Variants in KATNBL1 observed in about 807,000 individuals in gnomAD.
KATNBL1 encodes the protein KATNB1-like protein 1.
Under a neutral mutation model 44.7 loss-of-function variants are expected in KATNBL1, and 28 were observed. The observed-to-expected ratio is 0.63, with a 90% CI of 0.46 to 0.86. KATNBL1 has a LOEUF of 0.86. KATNBL1 is among the 40% of genes least tolerant of loss of function. KATNBL1 has a pLI of 0.00. For missense variants in KATNBL1, 272 were observed against 350.7 expected (o/e 0.78, Z 1.79); for synonymous variants, 78 against 114.9 (o/e 0.68, Z 2.06).
intron 1 of KATNBL1, among the ~76,000 whole-genome samples, chr15:34,172,219 A>G (rs1889182773): frequency 6.6e-6 from 1 of 150,904 alleles, no homozygotes; most frequent in Non-Finnish European, 1.5e-5. Context: ...TTTATTCTCT[A>G]GAAAACGTAA....
chr15:34,148,526 T>G (rs1419555487), intron 5 of KATNBL1, 106 bp downstream of exon 5: 4 of 648,476 alleles, frequency 6.2e-6, no homozygotes, highest in Admixed American at 2.3e-5. Flanking sequence ...AGGTTGAGGC[T>G]GCAGTGAGCC....
chr15:34,159,644 T>C (rs977122707), intron 2 of KATNBL1, among the ~76,000 whole-genome samples: 4 of 152,240 alleles, frequency 2.6e-5, no homozygotes, highest in African/African-American at 9.6e-5. Flanking sequence ...CTTCCTTGAT[T>C]CCCATCTTTT....
At chr15:34,182,592 C>A (rs186037981) in intron 1 of KATNBL1, among the ~76,000 whole-genome samples, 2 of 152,054 alleles carry the variant, frequency 1.3e-5, no homozygotes. Flanking sequence ...ATATGTTCAC[C>A]CCACCTGAGG....
chr15:34,202,122 C>A (rs1178735407), intron 1 of KATNBL1, among the ~76,000 whole-genome samples: 1 of 152,166 alleles, frequency 6.6e-6, no homozygotes, highest in Non-Finnish European at 1.5e-5. Flanking sequence ...ATACATAAAA[C>A]ATTGTCACTT....
rs117017516 is a variant in KATNBL1 at position 34,181,580 on chromosome 15, A to G, written c.-14-17890T>C. Among the ~76,000 whole-genome samples the G allele has an allele frequency of 7.6e-3, 862 of 113,040 alleles. 20 individuals carry two copies. Among genetic ancestry groups the G allele is most frequent in the South Asian group, 0.012 (44 of 3,548 alleles). 74.2% of individuals were successfully genotyped at this position (113,040 alleles called of 152,430 possible). ...TATGTCCATATATATATCCATATAT[A>G]TACATATATATACACATATATATGT... On this transcript the variant is annotated intron_variant, in intron 1 of 9. Coordinates refer to ENST00000256544, the MANE Select transcript of KATNBL1 (RefSeq NM_024713.3).
At chr15:34,164,785 G>A (rs1888915613) in intron 1 of KATNBL1, among the ~76,000 whole-genome samples, 1 of 152,210 alleles carries the variant, frequency 6.6e-6, no homozygotes, top group Non-Finnish European at 1.5e-5. Context: ...GGTGCTCAGA[G>A]ATCCTGTTTT....
At chr15:34,185,595 T>G (rs1371901193) in intron 1 of KATNBL1, among the ~76,000 whole-genome samples, 1 of 152,214 alleles carries the variant, frequency 6.6e-6, no homozygotes, top group Non-Finnish European at 1.5e-5. Flanking sequence ...CTCAAAATAC[T>G]GTTACCAGAA....
chr15:34,190,302 A>T (rs918115501), intron 1 of KATNBL1, among the ~76,000 whole-genome samples: 1 of 152,180 alleles, frequency 6.6e-6, no homozygotes, highest in African/African-American at 2.4e-5. Flanking sequence ...ATAACAAGGA[A>T]GCCAATGAAT....
chr15:34,164,455 A>G (rs536652134), intron 1 of KATNBL1, among the ~76,000 whole-genome samples: 1 of 152,200 alleles, frequency 6.6e-6, no homozygotes, highest in Admixed American at 6.5e-5. Flanking sequence ...GACTTGTCCT[A>G]TGCCTAATCC....
At position 34,148,589 on chromosome 15, in the gene KATNBL1, G is replaced by GA. The variant is rs778686665; in HGVS notation, c.557+42dup. 33 of 1,171,236 alleles carry GA rather than the reference G, an allele frequency of 2.8e-5. No individual in the cohort carries two copies. In the South Asian group the frequency reaches 4.1e-4, roughly 15 times the overall value. 72.6% of individuals were successfully genotyped at this position (1,171,236 alleles called of 1,614,324 possible). A position where few individuals can be genotyped will look rare whatever the true frequency, so the allele number is the denominator to read the frequency against. On this transcript the variant is annotated intron_variant, in intron 5 of 9. Coordinates refer to ENST00000256544, the MANE Select transcript of KATNBL1 (RefSeq NM_024713.3). ...GATGACAAAGCAAGAACTTGTCTCA[G>GA]AAAAAAAGTGATTGAACAAAGAGGA...
chr15:34,158,701 A>T (rs1888710124), intron 2 of KATNBL1, among the ~76,000 whole-genome samples: 1 of 152,120 alleles, frequency 6.6e-6, no homozygotes, highest in South Asian at 2.1e-4. Context: ...GGCTCTGCAG[A>T]TGCTTTAAAG....
intron 5 of KATNBL1, among the ~76,000 whole-genome samples, chr15:34,147,897 C>T (rs1365757976): frequency 2.0e-5 from 3 of 152,024 alleles, no homozygotes; most frequent in Admixed American, 2.0e-4. Context: ...AAACGGGTCT[C>T]ATTCGGTTGC....
intron 3 of KATNBL1, 49 bp downstream of exon 3, chr15:34,154,595 C>T (rs749695149): frequency 1.1e-5 from 13 of 1,157,738 alleles, no homozygotes; most frequent in Non-Finnish European, 1.7e-5. Flanking sequence ...GTCATCCTTA[C>T]CCAGCTTTCA....
intron 1 of KATNBL1, among the ~76,000 whole-genome samples, chr15:34,189,610 A>C (rs897822762): frequency 6.6e-6 from 1 of 152,230 alleles, no homozygotes; most frequent in Non-Finnish European, 1.5e-5. Context: ...CATTTAACCA[A>C]AATGAAAAAA....
At chr15:34,166,938 T>TA (rs1482609562) in intron 1 of KATNBL1, among the ~76,000 whole-genome samples, 3 of 152,136 alleles carry the variant, frequency 2.0e-5, no homozygotes, top group East Asian at 3.8e-4. Flanking sequence ...ACCCCATCCG[T>TA]AAGTCACCAA....
intron 1 of KATNBL1, among the ~76,000 whole-genome samples, chr15:34,197,202 G>A (rs1315999738): frequency 1.3e-5 from 2 of 152,174 alleles, no homozygotes; most frequent in African/African-American, 4.8e-5. Flanking sequence ...TCATGTTTTA[G>A]TTTGCTTTTG....
intron 1 of KATNBL1, among the ~76,000 whole-genome samples, chr15:34,170,225 G>A (rs1183779749): frequency 2.6e-5 from 4 of 152,144 alleles, no homozygotes; most frequent in African/African-American, 9.7e-5. Context: ...TAAGCTGATA[G>A]GCAACTTCAG....
intron 4 of KATNBL1, among the ~76,000 whole-genome samples, chr15:34,150,880 T>A (rs565933178): frequency 6.6e-6 from 1 of 152,318 alleles, no homozygotes; most frequent in African/African-American, 2.4e-5. Context: ...TCTGTTCCTG[T>A]ATTAGTTCGC....
At chr15:34,157,659 G>A (rs2140918979) in intron 2 of KATNBL1, among the ~76,000 whole-genome samples, 1 of 152,302 alleles carries the variant, frequency 6.6e-6, no homozygotes, top group South Asian at 2.1e-4. Context: ...TCTCTCTGAG[G>A]AGCAGTTCGG....
Sources: allele counts gnomAD v4.1 joint callset (sites outside exome capture counted in the v4.1 genomes callset), GRCh38; gene constraint gnomAD v4.1.1; transcripts MANE v1.5; gene names NCBI Gene and HGNC (gene_info 2026-07-23, HGNC 2026-07-21).